Variants in MYH16 observed in about 807,000 individuals in gnomAD.
The protein encoded by MYH16 is putative uncharacterized protein MYH16.
Position 99,267,192 on chromosome 7 carries a change from C to T in MYH16, n.2266+218C>T, listed in dbSNP as rs185008037. ...GAGGCAACACGCATAGAACTCAGCTCAGCTCAGAGGGGAACTCAATCAATG... is the reference window on the plus strand; with the variant it reads ...GAGGCAACACGCATAGAACTCAGCTTAGCTCAGAGGGGAACTCAATCAATG... On this transcript the variant is annotated intron_variant and non_coding_transcript_variant, in intron 18 of 41. Transcript: ENST00000439784. Among the ~76,000 whole-genome samples the T allele has an allele frequency of 3.2e-3, 488 of 152,320 alleles. 1 individual carries two copies. The highest frequency in any genetic ancestry group is 0.014 in the Middle Eastern group (4 of 294).
intron 20 of MYH16, among the ~76,000 whole-genome samples, chr7:99,274,772 C>G (rs1269178076): frequency 6.8e-6 from 1 of 147,336 alleles, no homozygotes; most frequent in Non-Finnish European, 1.5e-5. Context: ...CTCCCGGGTT[C>G]AAGTTATTCT....
At chr7:99,276,711 T>C (rs1348173648) in intron 20 of MYH16, among the ~76,000 whole-genome samples, 1 of 152,170 alleles carries the variant, frequency 6.6e-6, no homozygotes, top group Non-Finnish European at 1.5e-5. Context: ...AGGGGCTACA[T>C]TGTGGAAGGC....
chr7:99,256,596 A>G (rs960948874), intron 9 of MYH16, among the ~76,000 whole-genome samples: 3 of 152,222 alleles, frequency 2.0e-5, no homozygotes, highest in African/African-American at 7.2e-5. Flanking sequence ...CAACATGGTG[A>G]AACCCCGTCT....
At chr7:99,281,031 A>G (rs55790900) in intron 23 of MYH16, 51 bp downstream of exon 5, 19,139 of 309,304 alleles carry the variant, frequency 0.062, 2,758 homozygotes, top group African/African-American at 0.34. Context: ...GCTTGGCACA[A>G]TGTGCTTTCC....
At chr7:99,245,581 G>A (rs1355363308) in intron 2 of MYH16, among the ~76,000 whole-genome samples, 1 of 152,170 alleles carries the variant, frequency 6.6e-6, no homozygotes, top group African/African-American at 2.4e-5. Flanking sequence ...AGGCTGGAGT[G>A]CAGTGGCACA....
chr7:99,239,748 G>A (rs1042617294), intron 1 of MYH16, among the ~76,000 whole-genome samples: 1 of 152,192 alleles, frequency 6.6e-6, no homozygotes, highest in African/African-American at 2.4e-5. Context: ...CGTGATGGAA[G>A]TATTTATACC....
At chr7:99,299,800 G>T (rs940016266) in intron 37 of MYH16, 142 bp downstream of exon 18, 4 of 152,076 alleles carry the variant, frequency 2.6e-5, no homozygotes, top group Non-Finnish European at 5.9e-5. Context: ...GCAGTCCAGG[G>T]AACAGGAGGC....
intron 22 of MYH16, among the ~76,000 whole-genome samples, chr7:99,280,109 G>T (rs1387035790): frequency 6.6e-6 from 1 of 152,214 alleles, no homozygotes; most frequent in Non-Finnish European, 1.5e-5. Context: ...CTCACCTCAG[G>T]TGATCTGCCT....
intron 20 of MYH16, among the ~76,000 whole-genome samples, chr7:99,274,193 C>T (rs1478951592): frequency 6.6e-6 from 1 of 152,208 alleles, no homozygotes; most frequent in African/African-American, 2.4e-5. Flanking sequence ...TGGTGGGACC[C>T]ACAGAGGTCC....
intron 39 of MYH16, among the ~76,000 whole-genome samples, 159 bp from the exon 21 acceptor site, chr7:99,304,427 A>AC (rs1290011561): frequency 2.0e-5 from 3 of 151,918 alleles, no homozygotes; most frequent in Non-Finnish European, 4.4e-5. Context: ...AGCATAGAGC[A>AC]CCCCTTCCAC....
downstream of MYH16, among the ~76,000 whole-genome samples, chr7:99,308,569 C>A (rs1293675620): frequency 6.6e-6 from 1 of 152,084 alleles, no homozygotes; most frequent in Non-Finnish European, 1.5e-5. Flanking sequence ...AAAACATGGT[C>A]CCGGGACCAG....
intron 30 of MYH16, among the ~76,000 whole-genome samples, chr7:99,290,395 G>T (rs1460301708): frequency 6.6e-6 from 1 of 151,090 alleles, no homozygotes; most frequent in Non-Finnish European, 1.5e-5. Context: ...GCTGAGGCAG[G>T]AGGATTGCTT....
At chr7:99,241,055 C>T (rs901434981) in intron 1 of MYH16, among the ~76,000 whole-genome samples, 1 of 152,106 alleles carries the variant, frequency 6.6e-6, no homozygotes, top group Non-Finnish European at 1.5e-5. Context: ...TAGTGGAGCC[C>T]CAGGGTGCAT....
At chr7:99,298,319 G>A (rs11505838) in intron 36 of MYH16, among the ~76,000 whole-genome samples, 13,837 of 150,562 alleles carry the variant, frequency 0.092, 1,653 homozygotes, top group African/African-American at 0.28. Context: ...TGCAACTTCC[G>A]CCTCCTGGTT....
chr7:99,260,176 G>A, exon 12 of MYH16: 1 of 1,608,398 alleles, frequency 6.2e-7, no homozygotes, highest in Non-Finnish European at 8.5e-7. Flanking sequence ...CAACAGCTTT[G>A]AGCAGCTATG....
intron 29 of MYH16, 120 bp downstream of exon 10, chr7:99,288,257 C>T (rs1380321590): frequency 5.1e-6 from 2 of 393,624 alleles, no homozygotes; most frequent in East Asian, 7.3e-5. Context: ...GCCTGGACAA[C>T]ATAGCCAGAC....
At chr7:99,242,279 C>A (rs1401008127) in intron 1 of MYH16, among the ~76,000 whole-genome samples, 1 of 151,928 alleles carries the variant, frequency 6.6e-6, no homozygotes, top group Non-Finnish European at 1.5e-5. Flanking sequence ...TTTTTTTCTT[C>A]TTTTCTTGCT....
intron 20 of MYH16, among the ~76,000 whole-genome samples, chr7:99,275,316 G>A (rs1444730327): frequency 2.0e-5 from 3 of 152,180 alleles, no homozygotes; most frequent in South Asian, 4.1e-4. Context: ...ATTTTTTGTA[G>A]AGACAGCGTC....
chr7:99,260,221 T>C, exon 12 of MYH16: 1 of 1,610,712 alleles, frequency 6.2e-7, no homozygotes, highest in Non-Finnish European at 8.5e-7. Context: ...GCAGCAGTTC[T>C]TCAACCACCA....
Sources: gnomAD v4.1 joint callset for allele counts (sites outside exome capture counted in the v4.1 genomes callset) on GRCh38, gnomAD v4.1.1 for gene constraint, MANE v1.5 for transcripts, NCBI Gene and HGNC (gene_info 2026-07-23, HGNC 2026-07-21) for gene names.